The following UBE2D2 variants were observed in gnomAD, a reference collection of about 807,000 sequenced individuals.
The protein encoded by UBE2D2 is ubiquitin conjugating enzyme E2 D2, also known as ubiquitin-conjugating enzyme E2 D2.
UBE2D2 carries 2 observed loss-of-function variants against 24.2 expected under a neutral mutation model. The ratio of observed to expected loss-of-function variants is 0.08; its 90% CI spans 0.03 to 0.26. The LOEUF (loss-of-function observed/expected upper bound fraction) is 0.26. Ranked by LOEUF, UBE2D2 falls within the 10% of genes least tolerant of loss-of-function variation. The pLI, the probability that UBE2D2 is intolerant of heterozygous loss-of-function variation, is 1.00. For synonymous variants in UBE2D2, 58 were observed against 56.5 expected (o/e 1.03, Z -0.12); for missense variants, 44 against 177.6 (o/e 0.25, Z 4.28).
intron 1 of UBE2D2, among the ~76,000 whole-genome samples, chr5:139,593,941 A>G (rs1166174051): frequency 2.0e-5 from 3 of 152,174 alleles, no homozygotes; most frequent in Admixed American, 2.0e-4. Flanking sequence ...TATGAATCAT[A>G]ATCTTTGTTT....
chr5:139,624,711 G>A (rs555616518), intron 6 of UBE2D2, among the ~76,000 whole-genome samples: 70 of 152,326 alleles, frequency 4.6e-4, no homozygotes, highest in African/African-American at 1.6e-3. Flanking sequence ...AACTCAGGAC[G>A]TTTAGGTTGC....
At chr5:139,590,443 TAAAAA>T (rs1035963843) in intron 1 of UBE2D2, among the ~76,000 whole-genome samples, 68 of 95,056 alleles carry the variant, frequency 7.2e-4, no homozygotes, top group Middle Eastern at 5.3e-3. Flanking sequence ...TCAAAAAAAA[TAAAAA>T]AAAAAAAAAG....
intron 2 of UBE2D2, among the ~76,000 whole-genome samples, chr5:139,611,285 C>G (rs1754314741): frequency 7.3e-6 from 1 of 137,072 alleles, no homozygotes; most frequent in African/African-American, 2.7e-5. Flanking sequence ...CTCCGAGTTT[C>G]AAGTGATTCT....
At chr5:139,578,606 C>T (rs1302112051) in intron 1 of UBE2D2, among the ~76,000 whole-genome samples, 2 of 152,048 alleles carry the variant, frequency 1.3e-5, no homozygotes, top group Non-Finnish European at 2.9e-5. Flanking sequence ...GTGTGTGCTA[C>T]CATACCTGGC....
intron 1 of UBE2D2, among the ~76,000 whole-genome samples, chr5:139,536,223 C>T (rs1417009717): frequency 3.3e-5 from 5 of 152,250 alleles, no homozygotes; most frequent in South Asian, 2.1e-4. Context: ...CCTCAGCCTC[C>T]GGAGTAGCTG....
intron 1 of UBE2D2, among the ~76,000 whole-genome samples, chr5:139,567,974 T>C (rs554899813): frequency 6.6e-6 from 1 of 152,300 alleles, no homozygotes; most frequent in South Asian, 2.1e-4. Flanking sequence ...ACTTTGAAAA[T>C]GTCTGAGATT....
intron 1 of UBE2D2, among the ~76,000 whole-genome samples, chr5:139,568,326 A>G (rs1427188075): frequency 6.6e-6 from 1 of 151,374 alleles, no homozygotes; most frequent in Non-Finnish European, 1.5e-5. Flanking sequence ...CCTTTGCAAC[A>G]GCGAGACTCC....
At position 139,535,485 on chromosome 5, in the gene UBE2D2, C is replaced by T. The variant is rs934183040; in HGVS notation, c.-64+8873C>T. ...AAAAAACAAAAAAACAAAAATCAGC[C>T]GGATGCAGTGGCAGACGCCTGTAAT... On this transcript the variant is annotated intron_variant, in intron 1 of 6. Transcript: ENST00000511725. 5.3e-5 allele frequency among the ~76,000 whole-genome samples: 8 copies of T among 150,052 alleles called. No homozygotes were observed. In the East Asian group the frequency reaches 7.9e-4, roughly 15 times the overall value.
rs1754668106 is a variant in UBE2D2 at position 139,628,090 on chromosome 5, CTGGG to C, written c.*1290_*1293del. ...TATAAAAGAGCAACATTGACCAAAC[CTGGG>C]AAACAAGAGCACAGTCTTGTTTGGA... On this transcript the variant is annotated 3_prime_UTR_variant, in exon 7 of 7. Coordinates refer to ENST00000398733, the MANE Select transcript of UBE2D2 (RefSeq NM_003339.3). 1 of 152,590 alleles carries C rather than the reference CTGGG, an allele frequency of 6.6e-6. No individual in the cohort carries two copies. Among genetic ancestry groups the C allele is most frequent in the African/African-American group, 2.4e-5 (1 of 41,432 alleles). The allele number at this position is 152,590 out of a possible 1,614,324, so 9.5% of individuals were successfully genotyped here. A position where few individuals can be genotyped will look rare whatever the true frequency, so the allele number is the denominator to read the frequency against.
Position 139,614,730 on chromosome 5 carries a change from T to C in UBE2D2, c.154T>C (p.Leu52=). The change falls in exon 4 of 7, where the codon TTG becomes CTG. Residue 52 remains leucine, a synonymous_variant. Transcript: ENST00000398733. ...TCCCTATCAGGGTGGAGTATTTTTC[T>C]TGACAATTCATTTCCCAACAGATTA... The part of the protein sequence containing the change: ...DSPYQGGVFF[L]TIHFPTDYPF... 6.2e-7 allele frequency: 1 copy of C among 1,614,022 alleles called. No homozygotes were observed. Among genetic ancestry groups the C allele is most frequent in the South Asian group, 1.1e-5 (1 of 91,076 alleles).
intron 2 of UBE2D2, among the ~76,000 whole-genome samples, chr5:139,606,722 A>G (rs1356446181): frequency 1.3e-5 from 2 of 152,228 alleles, no homozygotes; most frequent in African/African-American, 4.8e-5. Flanking sequence ...TGTAAAATGT[A>G]GCAATATTTT....
chr5:139,601,806 G>T (rs1422533895), intron 2 of UBE2D2, among the ~76,000 whole-genome samples: 1 of 150,962 alleles, frequency 6.6e-6, no homozygotes, highest in Non-Finnish European at 1.5e-5. Context: ...ACCTACTTGG[G>T]AGGTTGAGGC....
chr5:139,574,021 C>T (rs928177152), intron 1 of UBE2D2, among the ~76,000 whole-genome samples: 1 of 150,706 alleles, frequency 6.6e-6, no homozygotes, highest in African/African-American at 2.4e-5. Flanking sequence ...AGATATAAGT[C>T]AATTGGGAAT....
intron 1 of UBE2D2, among the ~76,000 whole-genome samples, chr5:139,597,571 G>A (rs1753986019): frequency 6.6e-6 from 1 of 152,186 alleles, no homozygotes; most frequent in African/African-American, 2.4e-5. Context: ...CAGTTTGAAA[G>A]GGGCAAAAGA....
At position 139,561,727 on chromosome 5, in the gene UBE2D2, CCCCTTCCCCGT is replaced by C. The variant is rs1052529071; in HGVS notation, c.-54_-44del. 2.9e-5 allele frequency: 38 copies of C among 1,308,006 alleles called. No individual in the cohort carries two copies. Among genetic ancestry groups the C allele is most frequent in the African/African-American group, 7.8e-5 (5 of 64,056 alleles). The allele number at this position is 1,308,006 out of a possible 1,614,324, so 81.0% of individuals were successfully genotyped here. On this transcript the variant is annotated 5_prime_UTR_variant, in exon 1 of 7. Coordinates refer to ENST00000398733, the MANE Select transcript of UBE2D2 (RefSeq NM_003339.3). ...GCCGAGGCGGCCTCAGGCTCCCTAG[CCCCTTCCCCGT>C]CCCTTCCCCGCCCCCGTCCCCGCCC... is the stretch of plus-strand genomic sequence containing the variant.
intron 2 of UBE2D2, among the ~76,000 whole-genome samples, chr5:139,613,281 C>T (rs1048037895): frequency 6.6e-6 from 1 of 152,176 alleles, no homozygotes; most frequent in African/African-American, 2.4e-5. Flanking sequence ...TCTTAGTCTT[C>T]ATGTTTCTTC....
At chr5:139,626,325 C>G (rs1754627986) in intron 6 of UBE2D2, among the ~76,000 whole-genome samples, 1 of 152,250 alleles carries the variant, frequency 6.6e-6, no homozygotes, top group African/African-American at 2.4e-5. Context: ...CCGACTCAGC[C>G]TCCCAAAGTG....
chr5:139,554,779 A>T (rs1023949796), intron 1 of UBE2D2: 10 of 152,092 alleles, frequency 6.6e-5, no homozygotes, highest in African/African-American at 2.4e-4. Context: ...ACCATTTTAC[A>T]TCCCCACTTG....
intron 1 of UBE2D2, among the ~76,000 whole-genome samples, chr5:139,582,993 A>G (rs1179504738): frequency 3.7e-5 from 4 of 108,308 alleles, no homozygotes; most frequent in South Asian, 2.9e-4. Context: ...TTTTTTTTTG[A>G]AGACGGCGTC....
Sources: gnomAD v4.1 joint callset for allele counts (sites outside exome capture counted in the v4.1 genomes callset) on GRCh38, gnomAD v4.1.1 for gene constraint, MANE v1.5 for transcripts, NCBI Gene and HGNC (gene_info 2026-07-23, HGNC 2026-07-21) for gene names.